Variants in SEMA6D observed in about 807,000 individuals in gnomAD.
SEMA6D encodes the protein semaphorin-6D.
A neutral mutation model predicts 106.6 loss-of-function variants in SEMA6D; 35 were observed. The observed-to-expected ratio is 0.33, with a 90% confidence interval of 0.25 to 0.44. The LOEUF (loss-of-function observed/expected upper bound fraction) is 0.44. Ranked by LOEUF, SEMA6D falls within the 20% of genes least tolerant of loss-of-function variation. The pLI is 1.00. For synonymous variants in SEMA6D, 499 were observed against 487.7 expected, an observed-to-expected ratio of 1.02 and a Z score of -0.31; for missense variants, 1,185 against 1,345.9, an observed-to-expected ratio of 0.88 and a Z score of 1.87.
rs1011741046 is a variant in SEMA6D at position 47,184,575 on chromosome 15, C to A, written c.-239+157C>A. 2.0e-5 allele frequency among the ~76,000 whole-genome samples: 3 copies of A among 152,020 alleles called. No individual in the cohort carries two copies. The East Asian group carries it at 5.9e-4, about 30-fold the overall frequency. On this transcript the variant is annotated intron_variant, in intron 1 of 19. Transcript: ENST00000558014. ...GCCTCCCGGCGCGCCGCGGCCGGCG[C>A]AGAGACCCGACCGCGAGGCCCGCCG...
At chr15:47,364,774 C>T (rs1487252828) in intron 1 of SEMA6D, among the ~76,000 whole-genome samples, 9 of 148,868 alleles carry the variant, frequency 6.0e-5, no homozygotes, top group Admixed American at 6.0e-4. Flanking sequence ...TCCTCCCCAT[C>T]CCCCAACCCA....
intron 13 of SEMA6D, 176 bp downstream of exon 13, chr15:47,765,232 G>A (rs1370794086): frequency 2.2e-6 from 3 of 1,394,942 alleles, no homozygotes; most frequent in Admixed American, 3.1e-5. Context: ...AGCCTGCTAG[G>A]GCGAGGGGGG....
At chr15:47,251,916 T>TCA (rs1317396508) in intron 1 of SEMA6D, among the ~76,000 whole-genome samples, 13 of 130,520 alleles carry the variant, frequency 1.0e-4, no homozygotes, top group African/African-American at 1.5e-4. Flanking sequence ...GATTTTTTTT[T>TCA]TTTTTTTTTT....
chr15:47,394,906 T>C (rs115281480), intron 1 of SEMA6D, among the ~76,000 whole-genome samples: 2,289 of 152,200 alleles, frequency 0.015, 40 homozygotes, highest in South Asian at 0.063. Context: ...ATGCCTTTTT[T>C]TTTAAGTGAA....
intron 4 of SEMA6D, among the ~76,000 whole-genome samples, chr15:47,625,568 A>G (rs554177291): frequency 6.6e-6 from 1 of 152,094 alleles, no homozygotes; most frequent in Non-Finnish European, 1.5e-5. Flanking sequence ...CTACAAAAAT[A>G]AAAATTACAA....
At chr15:47,671,143 A>G (rs2078128670) in intron 4 of SEMA6D, among the ~76,000 whole-genome samples, 1 of 152,226 alleles carries the variant, frequency 6.6e-6, no homozygotes, top group African/African-American at 2.4e-5. Flanking sequence ...CCAGAAAATG[A>G]TGCTGAATTG....
intron 1 of SEMA6D, among the ~76,000 whole-genome samples, chr15:47,196,804 G>A (rs900762781): frequency 6.6e-6 from 1 of 152,128 alleles, no homozygotes; most frequent in African/African-American, 2.4e-5. Context: ...AAGAGCTACT[G>A]GCACGAGGCT....
chr15:47,433,203 T>G (rs1478266360), intron 2 of SEMA6D, among the ~76,000 whole-genome samples: 5 of 152,114 alleles, frequency 3.3e-5, no homozygotes, highest in Non-Finnish European at 7.4e-5. Flanking sequence ...TGTTAATTTC[T>G]GTTGCTGAGC....
intron 1 of SEMA6D, among the ~76,000 whole-genome samples, chr15:47,293,589 G>T (rs1023608554): frequency 6.6e-6 from 1 of 152,140 alleles, no homozygotes; most frequent in Non-Finnish European, 1.5e-5. Flanking sequence ...AAGGGCCTTT[G>T]CCATGATACT....
intron 1 of SEMA6D, chr15:47,275,092 A>G (rs1166093976): frequency 2.6e-5 from 4 of 152,182 alleles, no homozygotes; most frequent in Non-Finnish European, 5.9e-5. Flanking sequence ...ATTGATATCC[A>G]ACCCTGGAAA....
intron 4 of SEMA6D, among the ~76,000 whole-genome samples, chr15:47,683,342 A>G (rs1180685922): frequency 6.6e-6 from 1 of 152,200 alleles, no homozygotes; most frequent in Admixed American, 6.5e-5. Flanking sequence ...TATTTCATTT[A>G]GAATAATGGC....
chr15:47,429,790 G>A (rs2041464203), intron 2 of SEMA6D, among the ~76,000 whole-genome samples: 1 of 152,132 alleles, frequency 6.6e-6, no homozygotes, highest in East Asian at 1.9e-4. Flanking sequence ...GTTCTTGTCT[G>A]TGGGAGTTTT....
intron 11 of SEMA6D, 60 bp downstream of exon 11, chr15:47,764,365 A>C (rs1241123964): frequency 6.4e-7 from 1 of 1,566,608 alleles, no homozygotes. Flanking sequence ...CATTGGAAGC[A>C]TCCCTCCTCA....
chr15:47,657,719 CTTTTTTTTTTTTTTTTTTT>C (rs71118191), intron 4 of SEMA6D, among the ~76,000 whole-genome samples: 52 of 54,680 alleles, frequency 9.5e-4, no homozygotes, highest in African/African-American at 3.5e-3. Context: ...GGCTTCATTT[CTTTTTTTTTTTTTTTTTTT>C]TTTTTTTTTT....
At chr15:47,321,433 A>G (rs1209686561) in intron 1 of SEMA6D, among the ~76,000 whole-genome samples, 5 of 152,214 alleles carry the variant, frequency 3.3e-5, no homozygotes, top group Non-Finnish European at 7.3e-5. Flanking sequence ...GAGTGAAAAA[A>G]TGTGGACATT....
chr15:47,640,078 T>G (rs2077461516), intron 4 of SEMA6D, among the ~76,000 whole-genome samples: 1 of 152,172 alleles, frequency 6.6e-6, no homozygotes, highest in Non-Finnish European at 1.5e-5. Context: ...AGACACTGAA[T>G]GCAGGGGTAT....
intron 1 of SEMA6D, chr15:47,274,822 A>T (rs2034724691): frequency 6.6e-6 from 1 of 152,082 alleles, no homozygotes; most frequent in African/African-American, 2.4e-5. Flanking sequence ...ATTCATATCA[A>T]TCAGGAAGTT....
chr15:47,646,391 A>G (rs2077583240), intron 4 of SEMA6D, among the ~76,000 whole-genome samples: 1 of 152,242 alleles, frequency 6.6e-6, no homozygotes, highest in Admixed American at 6.5e-5. Context: ...GCCTACCTAG[A>G]CATGAGAACG....
chr15:47,506,617 C>CACACACACA (rs2141694544), intron 3 of SEMA6D, among the ~76,000 whole-genome samples: 1 of 151,904 alleles, frequency 6.6e-6, no homozygotes, highest in Admixed American at 6.6e-5. Flanking sequence ...CACACACACA[C>CACACACACA]ACACACACAC....
Sources: allele counts gnomAD v4.1 joint callset (sites outside exome capture counted in the v4.1 genomes callset), GRCh38; gene constraint gnomAD v4.1.1; transcripts MANE v1.5; gene names NCBI Gene and HGNC (gene_info 2026-07-23, HGNC 2026-07-21).